MYH4: variants seen among roughly 807,000 people sequenced by gnomAD.
MYH4 encodes myosin-4.
Under a neutral mutation model 229.9 loss-of-function variants are expected in MYH4, and 200 were observed. The observed-to-expected ratio is 0.87, with a 90% CI of 0.78 to 0.98. The LOEUF is 0.98. Ranked by LOEUF, MYH4 falls within the 50% of genes least tolerant of loss-of-function variation. The pLI, the probability that MYH4 is intolerant of heterozygous loss-of-function variation, is 0.00. For synonymous variants in MYH4, 761 were observed against 834.6 expected, an observed-to-expected ratio of 0.91 and a Z score of 1.52; for missense variants, 2,148 against 2,332.6, an observed-to-expected ratio of 0.92 and a Z score of 1.63.
Position 10,457,423 on chromosome 17 carries a change from C to T in MYH4, c.1894G>A (p.Ala632Thr). ...FLFSGAQTAE[A>T]EGGGGKKGGK... The stretch of plus-strand genomic sequence containing the variant: ...TATTAGTGCTATTAAACATGACCTG[C>T]TTCAGCAGTTTGTGCCCCAGAGAAG... Residue 632 changes from alanine (A) to threonine (T), a missense_variant, in exon 16 of 40, where the codon GCA becomes ACA. Transcript: ENST00000255381. 6.2e-7 allele frequency: 1 copy of T among 1,601,432 alleles called. No individual in the cohort carries two copies. The highest frequency in any genetic ancestry group is 1.3e-5 in the African/African-American group (1 of 74,630).
At chr17:10,465,931 C>T (rs1045651079) in intron 4 of MYH4, among the ~76,000 whole-genome samples, 3 of 151,118 alleles carry the variant, frequency 2.0e-5, no homozygotes, top group Admixed American at 2.0e-4. Context: ...CCCGCCACTA[C>T]GCCCGGCTAA....
At chr17:10,462,754 G>T in intron 11 of MYH4, 111 bp downstream of exon 11, 2 of 827,204 alleles carry the variant, frequency 2.4e-6, no homozygotes, top group Non-Finnish European at 3.6e-6. Context: ...AGCCCAAAGG[G>T]TTGTATTACC....
At position 10,443,357 on chromosome 17, in the gene MYH4, T is replaced by A; in HGVS notation, c.*18A>T. Reference sequence around the variant, plus strand: ...TTTCGTGCATTTCTTTGGTCACATTTTCTTTCATTAGAATGAATTACTCTT... The same window carrying A: ...TTTCGTGCATTTCTTTGGTCACATTATCTTTCATTAGAATGAATTACTCTT... On this transcript the variant is annotated 3_prime_UTR_variant, in exon 40 of 40. Transcript: ENST00000255381. This position sits in a 1 kb window ranked among gnomAD's most constrained non-coding sequence, Gnocchi z 4.6. 1 of 1,612,544 alleles carries A rather than the reference T, an allele frequency of 6.2e-7. No homozygotes were observed.
In MYH4 at chr17:10,447,969, A is replaced by T. The variant is rs1349105101; in HGVS notation, c.4814T>A (p.Leu1605Gln). The change falls in exon 34 of 40, where the codon CTG (leucine) becomes CAG (glutamine). Residue 1605 changes from leucine to glutamine, a missense_variant. By Grantham distance (113) the Leu-to-Gln change is moderately radical. Coordinates refer to ENST00000255381, the MANE Select transcript of MYH4 (RefSeq NM_017533.2). ...ATTTCTGCTCCTGATCTCAGCATCC[A>T]GTGTACTCTGCATTGACTCCACAAC... is the stretch of plus-strand genomic sequence containing the variant. ...LRVVESMQST[L>Q]DAEIRSRNDA... 5 of 1,614,038 alleles carry T rather than the reference A, an allele frequency of 3.1e-6. No individual in the cohort carries two copies. Among genetic ancestry groups the T allele is most frequent in the Non-Finnish European group, 4.2e-6 (5 of 1,179,990 alleles).
chr17:10,453,697 G>T lies in MYH4; in HGVS notation c.2880C>A (p.Asp960Glu). Residue 960 changes from aspartate (D) to glutamate (E), a missense_variant, in exon 23 of 40, where the codon GAC becomes GAA. Asp to Glu is a conservative substitution (Grantham distance 45). Coordinates refer to ENST00000255381, the MANE Select transcript of MYH4 (RefSeq NM_017533.2). ...ECSELKKDID[D>E]LELTLAKVEK... ...CAACCTTGGCCAGTGTCAGCTCAAGGTCATCAATGTCTTTCTTGAGCTCTG... is the reference window on the plus strand; with the variant it reads ...CAACCTTGGCCAGTGTCAGCTCAAGTTCATCAATGTCTTTCTTGAGCTCTG... 1 of 1,614,014 alleles carries T rather than the reference G, an allele frequency of 6.2e-7. No individual in the cohort carries two copies. Among genetic ancestry groups the T allele is most frequent in the East Asian group, 2.2e-5 (1 of 44,874 alleles).
rs117569138 is a variant in MYH4, at chr17:10,461,192, C to T, written c.1009-138G>A. The T allele has an allele frequency of 3.1e-4, 295 of 938,926 alleles. 4 individuals carry two copies. The East Asian group carries it at 5.0e-3, about 16-fold the overall frequency. 58.2% of individuals were successfully genotyped at this position (938,926 alleles called of 1,614,324 possible). On this transcript the variant is annotated intron_variant, in intron 11 of 39. Coordinates refer to ENST00000255381, the MANE Select transcript of MYH4 (RefSeq NM_017533.2). ...AGCACTTTGCCATCTTCAAAAGGTA[C>T]TCATATGCTTTACCTTTTGATCCAC...
In MYH4 at chr17:10,454,993, T is replaced by C. The variant is rs1940346802; in HGVS notation, c.2383A>G (p.Ile795Val). ...ACTCTCATCAGGAACCCTCTGCATA[T>C]GGCTTGAGTGCGCGTGATGAGTTGA... ...LAQLITRTQA[I>V]CRGFLMRVEF... Residue 795 changes from isoleucine to valine, a missense_variant, in exon 21 of 40, where the codon ATA becomes GTA. Coordinates refer to ENST00000255381, the MANE Select transcript of MYH4 (RefSeq NM_017533.2). 6.2e-7 allele frequency: 1 copy of C among 1,614,106 alleles called. No individual in the cohort carries two copies. The highest frequency in any genetic ancestry group is 1.3e-5 in the African/African-American group (1 of 74,926).
At position 10,448,985 on chromosome 17, in the gene MYH4, C is replaced by T. The variant is rs201934117; in HGVS notation, c.4244G>A (p.Cys1415Tyr). 1.2e-6 allele frequency: 2 copies of T among 1,614,110 alleles called. No homozygotes were observed. Among genetic ancestry groups the T allele is most frequent in the South Asian group, 1.1e-5 (1 of 91,076 alleles). Reference sequence around the variant, plus strand: ...CTGCTTTGTCTTTTCAAGAGAAGCACATTTGGAATTCACAGCTTCTACATG... The same window carrying T: ...CTGCTTTGTCTTTTCAAGAGAAGCATATTTGGAATTCACAGCTTCTACATG... The part of the protein sequence containing the change: ...EEHVEAVNSK[C>Y]ASLEKTKQRL... The change falls in exon 31 of 40, where the codon TGT becomes TAT. Residue 1415 changes from cysteine (C) to tyrosine (Y), a missense_variant. Coordinates refer to ENST00000255381, the MANE Select transcript of MYH4 (RefSeq NM_017533.2).
At chr17:10,464,053 T>A (rs2072732601) in intron 7 of MYH4, among the ~76,000 whole-genome samples, 1 of 152,138 alleles carries the variant, frequency 6.6e-6, no homozygotes. Context: ...CATGTGCAAG[T>A]TTGTACATGG....
At position 10,466,659 on chromosome 17, in the gene MYH4, G is replaced by T. The variant is rs1453075499; in HGVS notation, c.87C>A (p.Asn29Lys). The T allele has an allele frequency of 6.2e-7, 1 of 1,614,030 alleles. No individual in the cohort carries two copies. Among genetic ancestry groups the T allele is most frequent in the African/African-American group, 1.3e-5 (1 of 74,896 alleles). Residue 29 changes from asparagine (N) to lysine (K), a missense_variant, in exon 3 of 40, where the codon AAC (asparagine) becomes AAA (lysine). By Grantham distance (94) the Asn-to-Lys change is moderately conservative. Transcript: ENST00000255381. ...KSEKERIEAQNKPFDAKTSVF... is the reference protein window; with the variant it reads ...KSEKERIEAQKKPFDAKTSVF... ...CTGATGTCTTGGCATCAAAAGGCTTGTTCTGAGCTTCAATTCGCTCCTTTT... is the reference window on the plus strand; with the variant it reads ...CTGATGTCTTGGCATCAAAAGGCTTTTTCTGAGCTTCAATTCGCTCCTTTT...
At position 10,454,927 on chromosome 17, in the gene MYH4, G is replaced by T; in HGVS notation, c.2435+14C>A. On this transcript the variant is annotated intron_variant, in intron 21 of 39. Coordinates refer to ENST00000255381, the MANE Select transcript of MYH4 (RefSeq NM_017533.2). Reference sequence around the variant, plus strand: ...GAAAGTGTGGAGCAGGAAGACTTGTGTGTGGGCTCTCACCTCCTCTCCATC... The same window carrying T: ...GAAAGTGTGGAGCAGGAAGACTTGTTTGTGGGCTCTCACCTCCTCTCCATC... The T allele has an allele frequency of 6.2e-7, 1 of 1,613,876 alleles. No homozygotes were observed. Among genetic ancestry groups the T allele is most frequent in the Non-Finnish European group, 8.5e-7 (1 of 1,179,764 alleles).
Position 10,452,401 on chromosome 17 carries a change from G to A in MYH4, c.3348+15C>T, listed in dbSNP as rs1567700834. ...TTTCCTGTAATGCCCAGAAAAGGTG[G>A]AGGTTATAACTTACCTGTAATTCTT... On this transcript the variant is annotated intron_variant, in intron 26 of 39. Transcript: ENST00000255381. The A allele has an allele frequency of 3.1e-6, 5 of 1,614,156 alleles. No individual in the cohort carries two copies. The highest frequency in any genetic ancestry group is 4.2e-6 in the Non-Finnish European group (5 of 1,180,026).
Position 10,468,162 on chromosome 17 carries a change from T to C in MYH4, c.-40+1126A>G, listed in dbSNP as rs2072786951. Among the ~76,000 whole-genome samples, 3 of 152,208 alleles carry C rather than the reference T, an allele frequency of 2.0e-5. No homozygotes were observed. The South Asian group carries it at 6.2e-4, about 32-fold the overall frequency. On this transcript the variant is annotated intron_variant, in intron 2 of 39. Coordinates refer to ENST00000255381, the MANE Select transcript of MYH4 (RefSeq NM_017533.2). The stretch of plus-strand genomic sequence containing the variant: ...GTTTTTTTTCTTTGAAGAAGAAATG[T>C]TATTTATATTACATTATATTTTGTT...
In MYH4 at chr17:10,455,637, G is replaced by T. The variant is rs202036854; in HGVS notation, c.2151C>A (p.Ile717=). Reference sequence around the variant, plus strand: ...ACCTCTGTTTGAAGTCTGCATAAAGGATTCTGCTTGGGAAGCCTTTCCTGC... The same window carrying T: ...ACCTCTGTTTGAAGTCTGCATAAAGTATTCTGCTTGGGAAGCCTTTCCTGC... ...RICRKGFPSR[I]LYADFKQRYK... Residue 717 remains isoleucine, a synonymous_variant, in exon 19 of 40, where the codon ATC becomes ATA. Coordinates refer to ENST00000255381, the MANE Select transcript of MYH4 (RefSeq NM_017533.2). 3 of 1,614,036 alleles carry T rather than the reference G, an allele frequency of 1.9e-6. No individual in the cohort carries two copies. The Admixed American group carries it at 5.0e-5, about 27-fold the overall frequency.
chr17:10,462,886 C>A lies in MYH4; in HGVS notation c.987G>T (p.Gln329His), dbSNP rs1197417662. ...TTACATCTGTGGCCATCAGCTCTTC[C>A]TGGTCATCAATGCTGGGCACAGTAA... ...GEITVPSIDD[Q>H]EELMATDSAV... is the part of the protein sequence containing the mutation. The change falls in exon 11 of 40, where the codon CAG becomes CAT. Residue 329 changes from glutamine (Q) to histidine (H), a missense_variant. Transcript: ENST00000255381. The A allele has an allele frequency of 1.7e-5, 27 of 1,613,780 alleles. No individual in the cohort carries two copies. The East Asian group carries it at 6.0e-4, about 36-fold the overall frequency.
chr17:10,460,899 C>A lies in MYH4; in HGVS notation c.1147+17G>T. On this transcript the variant is annotated intron_variant, in intron 12 of 39. Coordinates refer to ENST00000255381, the MANE Select transcript of MYH4 (RefSeq NM_017533.2). ...TGTCAGCTTTGTCAAGTGGAAGATA[C>A]CAACAGGGGGTGGTACCTTCCGTGC... 1 of 1,613,302 alleles carries A rather than the reference C, an allele frequency of 6.2e-7. No homozygotes were observed. The highest frequency in any genetic ancestry group is 8.5e-7 in the Non-Finnish European group (1 of 1,179,616).
In MYH4 at chr17:10,455,962, A is replaced by G. The variant is rs369905682; in HGVS notation, c.1969-61T>C. The G allele has an allele frequency of 1.6e-3, 2,523 of 1,591,474 alleles. 46 individuals carry two copies. The South Asian group carries it at 0.018, about 11-fold the overall frequency. On this transcript the variant is annotated intron_variant, in intron 17 of 39. Transcript: ENST00000255381. ...TAGTTGCATCGACATGAGAGTCCCT[A>G]TCAATATTTGTCTTTCATTTCACAT...
chr17:10,449,508 T>A (rs2072548864), intron 30 of MYH4, among the ~76,000 whole-genome samples: 1 of 152,208 alleles, frequency 6.6e-6, no homozygotes, highest in African/African-American at 2.4e-5. Flanking sequence ...GGCTGAGTTT[T>A]ATTTACTTTG....
At position 10,469,267 on chromosome 17, in the gene MYH4, GTAA is replaced by G. The variant is rs1458891259; in HGVS notation, c.-40+18_-40+20del. 9.2e-5 allele frequency: 14 copies of G among 152,138 alleles called. No individual in the cohort carries two copies. The highest frequency in any genetic ancestry group is 8.5e-4 in the Admixed American group (13 of 15,278). 9.4% of individuals were successfully genotyped at this position (152,138 alleles called of 1,614,324 possible). ...TAGAGATTCCTTTGTTCTTTAGAGT[GTAA>G]TAATAAATTATTCTTACCTCTTGTA... On this transcript the variant is annotated intron_variant, in intron 2 of 39. Coordinates refer to ENST00000255381, the MANE Select transcript of MYH4 (RefSeq NM_017533.2).
Sources: gnomAD v4.1 joint callset for allele counts (sites outside exome capture counted in the v4.1 genomes callset) on GRCh38, gnomAD v4.1.1 for gene constraint, Gnocchi (gnomAD v3.1) non-coding constraint, MANE v1.5 for transcripts, NCBI Gene and HGNC (gene_info 2026-07-23, HGNC 2026-07-21) for gene names.